UGT2B7: variants seen among roughly 807,000 people sequenced by gnomAD.
UGT2B7 encodes UDP glucuronosyltransferase family 2 member B7, also known as UDP-glucuronosyltransferase 2B7.
UGT2B7 carries 51 observed loss-of-function variants against 51.9 expected under a neutral mutation model. That is an observed-to-expected ratio of 0.98 (90% CI 0.78 to 1.24). The LOEUF is 1.24. Among genes scored for constraint, UGT2B7 ranks in the 50% most tolerant of loss-of-function variants. The pLI is 0.00. For missense variants in UGT2B7, 727 were observed against 628.4 expected, an observed-to-expected ratio of 1.16 and a Z score of -1.68; for synonymous variants, 225 against 211.6, an observed-to-expected ratio of 1.06 and a Z score of -0.55.
intron 1 of UGT2B7, among the ~76,000 whole-genome samples, chr4:69,062,900 CA>C (rs1718380045): frequency 6.6e-6 from 1 of 152,140 alleles, no homozygotes; most frequent in African/African-American, 2.4e-5. Flanking sequence ...ATTGTTTAAC[CA>C]ACCCCCTAAA....
chr4:69,098,678 C>T lies in UGT2B7; in HGVS notation c.860C>T (p.Pro287Leu). Reference protein sequence around the residue: ...VGGLHCKPAKPLPKEMEDFVQ... With the variant: ...VGGLHCKPAKLLPKEMEDFVQ... ...GGACTCCACTGCAAACCTGCCAAAC[C>T]CCTGCCTAAGGTAAACATACTTTTG... Residue 287 changes from proline (P) to leucine (L), a missense_variant, in exon 2 of 6, where the codon CCC (proline) becomes CTC (leucine). Pro to Leu is a moderately conservative substitution (Grantham distance 98, BLOSUM62 -3). Coordinates refer to ENST00000305231, the MANE Select transcript of UGT2B7 (RefSeq NM_001074.4). The T allele has an allele frequency of 1.2e-6, 2 of 1,610,306 alleles. No individual in the cohort carries two copies. The highest frequency in any genetic ancestry group is 2.2e-5 in the South Asian group (2 of 90,630).
At chr4:69,061,405 G>A (rs965649199) in intron 1 of UGT2B7, among the ~76,000 whole-genome samples, 4 of 152,202 alleles carry the variant, frequency 2.6e-5, no homozygotes, top group Admixed American at 6.5e-5. Flanking sequence ...AAACAGAAAG[G>A]CAGACAAAGA....
rs1055627383 is a variant in UGT2B7, at chr4:69,110,461, T to C, written c.1311-1996T>C. Among the ~76,000 whole-genome samples, 4 of 95,626 alleles carry C rather than the reference T, an allele frequency of 4.2e-5. No individual in the cohort carries two copies. The Admixed American group carries it at 4.8e-4, about 12-fold the overall frequency. 62.7% of individuals were successfully genotyped at this position (95,626 alleles called of 152,430 possible). ...AACAGATATGTATAAATAAATCTAA[T>C]ACCATATAGAAGAATATTTATGACA... On this transcript the variant is annotated intron_variant, in intron 5 of 5. Coordinates refer to ENST00000305231, the MANE Select transcript of UGT2B7 (RefSeq NM_001074.4).
At chr4:69,082,544 C>T (rs1391045063) in intron 1 of UGT2B7, among the ~76,000 whole-genome samples, 3 of 152,070 alleles carry the variant, frequency 2.0e-5, no homozygotes, top group Non-Finnish European at 4.4e-5. Flanking sequence ...GCCACAATCA[C>T]GCCTTAACCC....
intron 1 of UGT2B7, among the ~76,000 whole-genome samples, chr4:69,086,522 G>GT (rs958154576): frequency 2.6e-5 from 4 of 151,754 alleles, no homozygotes; most frequent in Admixed American, 6.6e-5. Flanking sequence ...TAACTCTGAG[G>GT]TTTTTTCATT....
At chr4:69,108,474 T>G in intron 5 of UGT2B7, 152 bp downstream of exon 5, 1 of 1,025,776 alleles carries the variant, frequency 9.7e-7, no homozygotes, top group Non-Finnish European at 1.4e-6. Context: ...TTTTATAAGT[T>G]ATTTAAAAAT....
At chr4:69,075,853 A>G (rs1004756507) in intron 1 of UGT2B7, among the ~76,000 whole-genome samples, 11 of 152,180 alleles carry the variant, frequency 7.2e-5, no homozygotes, top group Admixed American at 3.3e-4. Context: ...ATAGGTATAC[A>G]TGTACCATTG....
At chr4:69,080,023 A>C (rs896604467) in intron 1 of UGT2B7, among the ~76,000 whole-genome samples, 2 of 148,562 alleles carry the variant, frequency 1.3e-5, no homozygotes, top group Non-Finnish European at 3.0e-5. Context: ...TTTCCCTGTG[A>C]AGTGTCATTC....
Position 69,096,761 on chromosome 4 carries a change from T to C in UGT2B7, c.241T>C (p.Leu81=), listed in dbSNP as rs1266848546. 5 of 1,613,906 alleles carry C rather than the reference T, an allele frequency of 3.1e-6. No homozygotes were observed. In the Admixed American group the frequency reaches 8.3e-5, roughly 27 times the overall value. Residue 81 remains leucine, a synonymous_variant, in exon 1 of 6, where the codon TTA becomes CTA. Coordinates refer to ENST00000305231, the MANE Select transcript of UGT2B7 (RefSeq NM_001074.4). ...TAAAATTGAAATTTATCCCACATCT[T>C]TAACTAAAACTGAGTTGGAGAATTT... The part of the protein sequence containing the change: ...ALKIEIYPTS[L]TKTELENFIM...
chr4:69,102,684 T>A, intron 2 of UGT2B7, 123 bp from the exon 3 acceptor site: 1 of 1,442,440 alleles, frequency 6.9e-7, no homozygotes, highest in Non-Finnish European at 9.3e-7. Flanking sequence ...TTAAAAAATA[T>A]TATTTACTCC....
At chr4:69,094,235 GTTCATGC>G (rs1247507059), upstream of UGT2B7, among the ~76,000 whole-genome samples, 3 of 40,930 alleles carry the variant, frequency 7.3e-5, 1 homozygote, top group Non-Finnish European at 1.2e-4. Context: ...CGCCTCCCGG[GTTCATGC>G]CATTCTCCTG....
intron 1 of UGT2B7, among the ~76,000 whole-genome samples, chr4:69,084,878 G>A (rs1718915042): frequency 6.6e-6 from 1 of 151,964 alleles, no homozygotes; most frequent in Non-Finnish European, 1.5e-5. Flanking sequence ...GATGGGCATT[G>A]GTTGGGTTGG....
chr4:69,055,023 C>T lies in UGT2B7; in HGVS notation c.-159+3421C>T, dbSNP rs531247822. Reference sequence around the variant, plus strand: ...AATCCAGGAAGTGACCAGCCTGATGCGTGTTATGACTCACTGTAAGCCTCC... The same window carrying T: ...AATCCAGGAAGTGACCAGCCTGATGTGTGTTATGACTCACTGTAAGCCTCC... On this transcript the variant is annotated intron_variant, in intron 1 of 5. Coordinates refer to the UGT2B7 transcript ENST00000502942. Among the ~76,000 whole-genome samples, 408 of 138,680 alleles carry T rather than the reference C, an allele frequency of 2.9e-3. 2 individuals are homozygous for T. Among genetic ancestry groups the T allele is most frequent in the African/African-American group, 0.011 (394 of 37,058 alleles). The allele number at this position is 138,680 out of a possible 152,430, so 91.0% of individuals were successfully genotyped here. A position where few individuals can be genotyped will look rare whatever the true frequency, so the allele number is the denominator to read the frequency against.
intron 3 of UGT2B7, among the ~76,000 whole-genome samples, chr4:69,103,449 T>C (rs534878572): frequency 2.0e-5 from 3 of 152,290 alleles, no homozygotes; most frequent in East Asian, 1.9e-4. Flanking sequence ...CCATATGTAT[T>C]CACAAAAGGC....
intron 1 of UGT2B7, among the ~76,000 whole-genome samples, chr4:69,084,638 C>T (rs1718910057): frequency 6.6e-6 from 1 of 151,976 alleles, no homozygotes; most frequent in South Asian, 2.1e-4. Flanking sequence ...GCACGACAGG[C>T]CCCAGTGTGT....
chr4:69,098,069 A>G (rs1245325865), intron 1 of UGT2B7, among the ~76,000 whole-genome samples: 1 of 152,052 alleles, frequency 6.6e-6, no homozygotes, highest in Non-Finnish European at 1.5e-5. Context: ...AACATAGTCC[A>G]CAGTTCACTT....
Position 69,112,832 on chromosome 4 carries a change from G to T in UGT2B7, c.*96G>T. 5.5e-6 allele frequency: 6 copies of T among 1,085,746 alleles called. No individual in the cohort carries two copies. The highest frequency in any genetic ancestry group is 3.0e-5 in the South Asian group (1 of 33,428). The allele number at this position is 1,085,746 out of a possible 1,614,324, so 67.3% of individuals were successfully genotyped here. On this transcript the variant is annotated 3_prime_UTR_variant, in exon 6 of 6. Transcript: ENST00000305231. ...TGTGATGCAAGATTTCTTTCTTCCTGAGACAAAAAAAAAAAAAGAAAAAAA... is the reference window on the plus strand; with the variant it reads ...TGTGATGCAAGATTTCTTTCTTCCTTAGACAAAAAAAAAAAAAGAAAAAAA...
chr4:69,084,480 T>C (rs915425940), intron 1 of UGT2B7, among the ~76,000 whole-genome samples: 2 of 152,062 alleles, frequency 1.3e-5, no homozygotes, highest in Admixed American at 1.3e-4. Context: ...TTTAAGTTCT[T>C]GGATACATGT....
chr4:69,080,003 T>G (rs548763933), intron 1 of UGT2B7, among the ~76,000 whole-genome samples: 21 of 152,082 alleles, frequency 1.4e-4, no homozygotes, highest in Middle Eastern at 3.4e-3. Context: ...TAGCATCTTT[T>G]TTTGCATTTT....
Sources: gnomAD v4.1 joint callset for allele counts (sites outside exome capture counted in the v4.1 genomes callset) on GRCh38, gnomAD v4.1.1 for gene constraint, MANE v1.5 for transcripts, NCBI Gene and HGNC (gene_info 2026-07-23, HGNC 2026-07-21) for gene names.